Variants in SPATA6 observed in about 807,000 individuals in gnomAD.
SPATA6 encodes the protein spermatogenesis-associated protein 6.
SPATA6 carries 56 observed loss-of-function variants against 65.3 expected under a neutral mutation model. The observed-to-expected ratio is 0.86, with a 90% CI of 0.69 to 1.07. SPATA6 has a LOEUF of 1.07. Among genes scored for constraint, SPATA6 ranks in the 50% least tolerant of loss-of-function variants. The pLI is 0.00. For missense variants in SPATA6, 590 were observed against 594.8 expected (o/e 0.99, Z 0.08); for synonymous variants, 199 against 213.2 (o/e 0.93, Z 0.58).
rs1652424899 is a variant in SPATA6 at position 48,413,151 on chromosome 1, T to C, written c.239A>G (p.Tyr80Cys). Residue 80 changes from tyrosine (Y) to cysteine (C), a missense_variant and splice_region_variant, in exon 4 of 13, where the codon TAT (tyrosine) becomes TGT (cysteine). Coordinates refer to ENST00000371847, the MANE Select transcript of SPATA6 (RefSeq NM_019073.4). ...DPGDVVTQLE[Y>C]DTAVFELIQL... ...TATCAACTCGAACACTGCTGTATCA[T>C]CTAAAAGTTTAAAGAAAAATTTCCT... The C allele has an allele frequency of 3.5e-6, 5 of 1,424,520 alleles. No individual in the cohort carries two copies. Among genetic ancestry groups the C allele is most frequent in the Non-Finnish European group, 4.6e-6 (5 of 1,088,234 alleles). The allele number at this position is 1,424,520 out of a possible 1,614,324, so 88.2% of individuals were successfully genotyped here.
At chr1:48,417,433 G>T (rs1172619002) in intron 3 of SPATA6, among the ~76,000 whole-genome samples, 2 of 152,122 alleles carry the variant, frequency 1.3e-5, no homozygotes, top group African/African-American at 2.4e-5. Context: ...AATTAATAGA[G>T]AAATATATAT....
intron 11 of SPATA6, among the ~76,000 whole-genome samples, chr1:48,343,224 A>G (rs915879209): frequency 6.6e-6 from 1 of 152,158 alleles, no homozygotes; most frequent in Non-Finnish European, 1.5e-5. Flanking sequence ...TGCAAGACAT[A>G]AAGACATGAA....
chr1:48,367,001 G>C (rs1351344657), intron 9 of SPATA6, among the ~76,000 whole-genome samples: 1 of 151,976 alleles, frequency 6.6e-6, no homozygotes, highest in Non-Finnish European at 1.5e-5. Flanking sequence ...TTGTGTCTTT[G>C]TTCTCGTTGG....
In SPATA6 at chr1:48,362,034, C is replaced by A. The variant is rs1646828916; in HGVS notation, c.910-2264G>T. Among the ~76,000 whole-genome samples, 6 of 151,950 alleles carry A rather than the reference C, an allele frequency of 3.9e-5. No individual in the cohort carries two copies. In the South Asian group the frequency reaches 1.2e-3, roughly 32 times the overall value. On this transcript the variant is annotated intron_variant, in intron 9 of 12. Transcript: ENST00000371847. ...CATTTTTAGCTATTCAGAGACAAAA[C>A]AAAAACACAGTAAAACTTAAAAACA...
intron 3 of SPATA6, among the ~76,000 whole-genome samples, chr1:48,449,819 T>TG (rs1461786984): frequency 6.6e-6 from 1 of 152,228 alleles, no homozygotes; most frequent in African/African-American, 2.4e-5. Context: ...AGCCTTTATC[T>TG]GTTAGAGGCC....
intron 1 of SPATA6, among the ~76,000 whole-genome samples, chr1:48,455,190 C>T (rs151281894): frequency 4.2e-4 from 64 of 152,184 alleles, no homozygotes; most frequent in Middle Eastern, 3.4e-3. Flanking sequence ...TAGCCAATTA[C>T]GCCCAGAGAT....
At chr1:48,317,336 A>C (rs569384719) in intron 11 of SPATA6, among the ~76,000 whole-genome samples, 4 of 152,348 alleles carry the variant, frequency 2.6e-5, no homozygotes, top group South Asian at 4.1e-4. Flanking sequence ...ACTGTGGAAT[A>C]CTATGCAGCC....
At chr1:48,370,576 A>G (rs1363266506) in intron 9 of SPATA6, among the ~76,000 whole-genome samples, 1 of 152,238 alleles carries the variant, frequency 6.6e-6, no homozygotes, top group Non-Finnish European at 1.5e-5. Flanking sequence ...TTCTAAAATA[A>G]TACAATAAGA....
the SPATA6 span, among the ~76,000 whole-genome samples, chr1:48,267,260 G>C: frequency 6.6e-6 from 1 of 152,142 alleles, no homozygotes; most frequent in African/African-American, 2.4e-5. Context: ...CTAGGGTTTA[G>C]TGTTTACAGC....
chr1:48,320,565 A>G (rs1457790025), intron 11 of SPATA6, among the ~76,000 whole-genome samples: 1 of 152,258 alleles, frequency 6.6e-6, no homozygotes, highest in East Asian at 1.9e-4. Context: ...CAGACAAACA[A>G]GAGCTGAGGG....
chr1:48,334,532 A>C (rs1376342924), intron 11 of SPATA6, among the ~76,000 whole-genome samples: 1 of 152,128 alleles, frequency 6.6e-6, no homozygotes, highest in Non-Finnish European at 1.5e-5. Context: ...AAAAACAAAA[A>C]CCATATGATT....
chr1:48,366,488 C>G (rs1289314541), intron 9 of SPATA6, among the ~76,000 whole-genome samples: 1 of 151,684 alleles, frequency 6.6e-6, no homozygotes, highest in Non-Finnish European at 1.5e-5. Context: ...TGTTATTGGT[C>G]TATTCAGAGT....
At chr1:48,288,559 T>G in the SPATA6 span, among the ~76,000 whole-genome samples, 1 of 152,172 alleles carries the variant, frequency 6.6e-6, no homozygotes, top group African/African-American at 2.4e-5. Flanking sequence ...TCACCTCACC[T>G]GGGAAGTGCA....
intron 3 of SPATA6, among the ~76,000 whole-genome samples, chr1:48,427,890 C>A (rs1183510086): frequency 6.6e-6 from 1 of 152,176 alleles, no homozygotes; most frequent in Non-Finnish European, 1.5e-5. Context: ...CTTCCCTTCA[C>A]CTTTTTGAAA....
At chr1:48,374,038 C>T in intron 9 of SPATA6, among the ~76,000 whole-genome samples, 1 of 152,178 alleles carries the variant, frequency 6.6e-6, no homozygotes, top group South Asian at 2.1e-4. Flanking sequence ...TAGGCCCCAT[C>T]TACCTGCAAT....
At chr1:48,287,237 G>T in the SPATA6 span, among the ~76,000 whole-genome samples, 26 of 152,108 alleles carry the variant, frequency 1.7e-4, no homozygotes, top group Non-Finnish European at 1.5e-4. Context: ...TAAATGACTG[G>T]ATCTCATGAG....
At chr1:48,312,951 T>G (rs544378713) in intron 11 of SPATA6, among the ~76,000 whole-genome samples, 105 of 152,170 alleles carry the variant, frequency 6.9e-4, no homozygotes, top group Non-Finnish European at 1.2e-3. Flanking sequence ...GCATCAGTGA[T>G]GGAAGATCAA....
chr1:48,305,906 C>T (rs1303211066), intron 11 of SPATA6, 28 bp from the exon 12 acceptor site: 3 of 1,554,482 alleles, frequency 1.9e-6, no homozygotes, highest in Non-Finnish European at 2.7e-6. Flanking sequence ...TTTCCATTAA[C>T]TCACTGTCTC....
At chr1:48,470,498 T>C (rs1186403263) in intron 1 of SPATA6, among the ~76,000 whole-genome samples, 4 of 152,154 alleles carry the variant, frequency 2.6e-5, no homozygotes, top group African/African-American at 9.6e-5. Flanking sequence ...CAAGCAAAGC[T>C]AGGGCTATGG....
Sources: gnomAD v4.1 joint callset for allele counts (sites outside exome capture counted in the v4.1 genomes callset) on GRCh38, gnomAD v4.1.1 for gene constraint, MANE v1.5 for transcripts, NCBI Gene and HGNC (gene_info 2026-07-23, HGNC 2026-07-21) for gene names.